Variants in FRMD4A observed in about 807,000 individuals in gnomAD.
FRMD4A encodes the protein FERM domain containing 4A.
FRMD4A carries 29 observed loss-of-function variants against 129.1 expected under a neutral mutation model. The ratio of observed to expected loss-of-function variants is 0.22; its 90% CI spans 0.17 to 0.31. The LOEUF (loss-of-function observed/expected upper bound fraction) is 0.31, where lower values mean the gene tolerates loss of function less well. FRMD4A is among the 10% of genes least tolerant of loss of function. FRMD4A has a pLI of 1.00. For synonymous variants in FRMD4A, 634 were observed against 571.6 expected, an observed-to-expected ratio of 1.11 and a Z score of -1.56; for missense variants, 1,272 against 1,375.8, an observed-to-expected ratio of 0.92 and a Z score of 1.19.
Position 13,660,375 on chromosome 10 carries a change from C to T in FRMD4A, c.1839G>A (p.Glu613=), listed in dbSNP as rs1463505130. The change falls in exon 20 of 25, where the codon GAG becomes GAA. Residue 613 remains glutamate, a synonymous_variant. Coordinates refer to ENST00000357447, the MANE Select transcript of FRMD4A (RefSeq NM_018027.5). Reference sequence around the variant, plus strand: ...TCTCATAGGGTTCATCTAAAGAGGACTCACTCCACATTTTGGGCTTGATGG... The same window carrying T: ...TCTCATAGGGTTCATCTAAAGAGGATTCACTCCACATTTTGGGCTTGATGG... ...KSPIKPKMWS[E]SSLDEPYEKV... is the part of the protein sequence containing the mutation. The T allele has an allele frequency of 2.5e-6, 4 of 1,614,130 alleles. No homozygotes were observed. Among genetic ancestry groups the T allele is most frequent in the Non-Finnish European group, 3.4e-6 (4 of 1,179,976 alleles).
intron 2 of FRMD4A, among the ~76,000 whole-genome samples, chr10:13,958,173 T>A (rs969826829): frequency 2.6e-5 from 4 of 152,068 alleles, no homozygotes; most frequent in African/African-American, 9.7e-5. Context: ...CTGTCTCCTA[T>A]CCTTTTGTGT....
At chr10:14,299,440 C>G (rs1846114371) in intron 2 of FRMD4A, among the ~76,000 whole-genome samples, 2 of 152,072 alleles carry the variant, frequency 1.3e-5, no homozygotes, top group Non-Finnish European at 1.5e-5. Flanking sequence ...CCTGCTATAG[C>G]CTGGTACTTC....
intron 12 of FRMD4A, among the ~76,000 whole-genome samples, chr10:13,714,000 A>ATATATAAAATACC (rs1259182841): frequency 1.9e-5 from 2 of 106,848 alleles, no homozygotes; most frequent in African/African-American, 3.2e-5. Context: ...TATAATATAC[A>ATATATAAAATACC]TATATAATAT....
chr10:13,891,583 C>A (rs943941001), intron 2 of FRMD4A: 10 of 984,790 alleles, frequency 1.0e-5, no homozygotes, highest in Non-Finnish European at 1.1e-5. Context: ...TGCCGTCAGT[C>A]GCCTCCCTGC....
intron 2 of FRMD4A, among the ~76,000 whole-genome samples, chr10:13,946,237 T>G (rs1457223607): frequency 6.6e-6 from 1 of 152,202 alleles, no homozygotes; most frequent in Non-Finnish European, 1.5e-5. Context: ...CTGGACTCTT[T>G]AGGCAGATGC....
chr10:13,701,110 G>C (rs1287430230), intron 14 of FRMD4A, among the ~76,000 whole-genome samples: 1 of 152,096 alleles, frequency 6.6e-6, no homozygotes, highest in African/African-American at 2.4e-5. Context: ...TCAGCGGCTT[G>C]AGCGGCTCTG....
chr10:13,971,963 C>A, intron 2 of FRMD4A: 2 of 1,202,980 alleles, frequency 1.7e-6, no homozygotes, highest in Non-Finnish European at 1.1e-6. Context: ...CCCTACCTAC[C>A]CTCACCACCA....
chr10:13,706,828 TACAC>T (rs2087502711), intron 13 of FRMD4A, among the ~76,000 whole-genome samples: 1 of 151,134 alleles, frequency 6.6e-6, no homozygotes, highest in Admixed American at 6.6e-5. Context: ...GATTGCTACT[TACAC>T]ACACGTGCGA....
intron 2 of FRMD4A, among the ~76,000 whole-genome samples, chr10:14,188,264 C>T (rs1285864926): frequency 6.6e-6 from 1 of 152,200 alleles, no homozygotes; most frequent in Non-Finnish European, 1.5e-5. Flanking sequence ...GCCAAGGACC[C>T]ATGACCTGCT....
intron 2 of FRMD4A, among the ~76,000 whole-genome samples, chr10:14,084,641 A>G (rs1209093628): frequency 6.6e-6 from 1 of 152,182 alleles, no homozygotes; most frequent in Non-Finnish European, 1.5e-5. Flanking sequence ...TTCAGAGTTC[A>G]TACTCCTACC....
chr10:14,272,557 C>G (rs1351355511), intron 2 of FRMD4A, among the ~76,000 whole-genome samples: 1 of 152,152 alleles, frequency 6.6e-6, no homozygotes, highest in Admixed American at 6.5e-5. Flanking sequence ...CTAGAATTTC[C>G]TAAAGGTAGG....
At chr10:13,899,687 A>G (rs12263949) in intron 2 of FRMD4A, among the ~76,000 whole-genome samples, 2,173 of 152,304 alleles carry the variant, frequency 0.014, 62 homozygotes, top group African/African-American at 0.049. Flanking sequence ...AAATGAAGCC[A>G]CATGCCTGAG....
rs975548034 is a variant in FRMD4A, at chr10:13,646,973, C to T, written c.*65G>A. 1.0e-6 allele frequency: 1 copy of T among 984,540 alleles called. No individual in the cohort carries two copies. The highest frequency in any genetic ancestry group is 1.7e-5 in the African/African-American group (1 of 57,202). The allele number at this position is 984,540 out of a possible 1,614,324, so 61.0% of individuals were successfully genotyped here. A position where few individuals can be genotyped will look rare whatever the true frequency, so the allele number is the denominator to read the frequency against. On this transcript the variant is annotated 3_prime_UTR_variant, in exon 25 of 25. Coordinates refer to ENST00000357447, the MANE Select transcript of FRMD4A (RefSeq NM_018027.5). ...GGGCTTGGCTTTTTCCTGCCCGTAC[C>T]ACTGGACATCAGCTAGTTCTGGATA...
chr10:14,201,043 G>A (rs1021800833), intron 2 of FRMD4A, among the ~76,000 whole-genome samples: 6 of 152,120 alleles, frequency 3.9e-5, no homozygotes, highest in African/African-American at 1.4e-4. Flanking sequence ...TACTTCCTTG[G>A]ACACCAGCCC....
At chr10:14,104,389 A>G (rs2131780475) in intron 2 of FRMD4A, among the ~76,000 whole-genome samples, 1 of 152,330 alleles carries the variant, frequency 6.6e-6, no homozygotes, top group South Asian at 2.1e-4. Flanking sequence ...TAGATCTCTT[A>G]CTTTGATTTA....
At chr10:13,690,836 C>T (rs12260389) in intron 15 of FRMD4A, among the ~76,000 whole-genome samples, 19,723 of 151,778 alleles carry the variant, frequency 0.13, 2,068 homozygotes, top group African/African-American at 0.29. Context: ...TATTGGTATA[C>T]CGATGCTTAT....
intron 8 of FRMD4A, among the ~76,000 whole-genome samples, chr10:13,751,878 T>C (rs1478449486): frequency 6.6e-6 from 1 of 152,056 alleles, no homozygotes; most frequent in South Asian, 2.1e-4. Context: ...CAGCCAGGTG[T>C]AGTGGTTTGC....
intron 2 of FRMD4A, among the ~76,000 whole-genome samples, chr10:14,283,734 A>C (rs1444733976): frequency 2.0e-5 from 3 of 152,220 alleles, no homozygotes; most frequent in African/African-American, 7.2e-5. Flanking sequence ...TTATTTTGCA[A>C]GTTTGCCTGT....
At chr10:13,961,364 G>A (rs540416070) in intron 2 of FRMD4A, among the ~76,000 whole-genome samples, 2 of 152,212 alleles carry the variant, frequency 1.3e-5, no homozygotes, top group Admixed American at 6.5e-5. Flanking sequence ...GAGGCTGGGC[G>A]GTGAGGCTTC....
Sources: gnomAD v4.1 joint callset for allele counts (sites outside exome capture counted in the v4.1 genomes callset) on GRCh38, gnomAD v4.1.1 for gene constraint, MANE v1.5 for transcripts, NCBI Gene and HGNC (gene_info 2026-07-23, HGNC 2026-07-21) for gene names.